The following PARP4 variants were observed in gnomAD, a reference collection of about 807,000 sequenced individuals.
PARP4 encodes the protein protein mono-ADP-ribosyltransferase PARP4.
In PARP4, 120 loss-of-function variants were observed where a neutral mutation model predicts 187.7. That is an observed-to-expected ratio of 0.64 (90% CI 0.55 to 0.74). The LOEUF (loss-of-function observed/expected upper bound fraction) is 0.74, where lower values mean the gene tolerates loss of function less well. PARP4 is among the 30% of genes least tolerant of loss of function. PARP4 has a pLI of 0.00. For missense variants in PARP4, 1,836 were observed against 2,070.5 expected (o/e 0.89, Z 2.20); for synonymous variants, 654 against 740.9 (o/e 0.88, Z 1.90).
intron 22 of PARP4, among the ~76,000 whole-genome samples, chr13:24,453,857 G>C (rs533737778): frequency 6.6e-6 from 1 of 152,308 alleles, no homozygotes; most frequent in South Asian, 2.1e-4. Context: ...GCTCATGCCT[G>C]TAATCCCAGC....
chr13:24,459,069 C>G lies in PARP4; in HGVS notation c.2399G>C (p.Ser800Thr). 1 of 1,609,500 alleles carries G rather than the reference C, an allele frequency of 6.2e-7. No homozygotes were observed. The highest frequency in any genetic ancestry group is 8.5e-7 in the Non-Finnish European group (1 of 1,176,656). The change falls in exon 20 of 34, where the codon AGT becomes ACT. Residue 800 changes from serine (S) to threonine (T), a missense_variant. This residue lies in a region of PARP4 where 1,147 missense variants were observed against 1,214.2 expected (regional missense o/e 0.94). Transcript: ENST00000381989. ...CTTTTGTTTCAGTTCATGTGTATCA[C>G]TGAAAATGAATTCAATCACATACGG... ...EMPYVIEFIF[S>T]DTHELKQKRT...
At position 24,469,150 on chromosome 13, in the gene PARP4, G is replaced by A. The variant is rs370015269; in HGVS notation, c.2047-40C>T. On this transcript the variant is annotated intron_variant, in intron 16 of 33. Transcript: ENST00000381989. ...TTTTAAATCATTCCTTACATGAAGA[G>A]TGACTTCAGGCTTTAATGAAGAAAA... 1.6e-3 allele frequency: 2,053 copies of A among 1,322,738 alleles called. 4 individuals are homozygous for A. The highest frequency in any genetic ancestry group is 2.0e-3 in the Non-Finnish European group (1,847 of 915,112). 81.9% of individuals were successfully genotyped at this position (1,322,738 alleles called of 1,614,324 possible).
intron 33 of PARP4, 51 bp downstream of exon 33, chr13:24,426,415 A>G (rs1294524402): frequency 8.0e-6 from 11 of 1,378,522 alleles, no homozygotes; most frequent in Non-Finnish European, 1.0e-5. Context: ...GGTTTATTAA[A>G]TAAATAGTTG....
At chr13:24,436,633 C>T (rs1280465520) in intron 30 of PARP4, among the ~76,000 whole-genome samples, 2 of 152,104 alleles carry the variant, frequency 1.3e-5, no homozygotes, top group African/African-American at 4.8e-5. Flanking sequence ...ATTAAATGAA[C>T]ATATAATTAT....
At chr13:24,456,558 C>G (rs951590927) in intron 20 of PARP4, 80 bp from the exon 21 acceptor site, 2 of 1,289,862 alleles carry the variant, frequency 1.6e-6, no homozygotes, top group African/African-American at 2.9e-5. Context: ...TGTCATGGAG[C>G]AAACCCTTGC....
At chr13:24,472,891 G>GTTTTTTTT (rs3978786) in intron 15 of PARP4, among the ~76,000 whole-genome samples, 2 of 109,566 alleles carry the variant, frequency 1.8e-5, no homozygotes, top group African/African-American at 3.5e-5. Flanking sequence ...AACACCCTGA[G>GTTTTTTTT]TTTTTTTTTT....
intron 33 of PARP4, among the ~76,000 whole-genome samples, chr13:24,424,363 T>C (rs1460903154): frequency 2.0e-5 from 3 of 152,126 alleles, no homozygotes; most frequent in Admixed American, 2.0e-4. Flanking sequence ...CTCAACCTTT[T>C]TTTTCTATTG....
chr13:24,440,661 G>C (rs1401861867), intron 30 of PARP4, among the ~76,000 whole-genome samples: 2 of 152,136 alleles, frequency 1.3e-5, no homozygotes, highest in South Asian at 2.1e-4. Context: ...TGGGGCACTG[G>C]GAAGGTCAAG....
At chr13:24,466,921 T>A (rs185699118) in intron 17 of PARP4, among the ~76,000 whole-genome samples, 1 of 149,988 alleles carries the variant, frequency 6.7e-6, no homozygotes, top group East Asian at 2.0e-4. Context: ...ATGGTACAAA[T>A]AGAAAACAAC....
intron 28 of PARP4, among the ~76,000 whole-genome samples, chr13:24,443,336 C>T (rs148568470): frequency 0.014 from 2,192 of 152,268 alleles, 55 homozygotes; most frequent in African/African-American, 0.05. Flanking sequence ...CGCTACCACA[C>T]GAGAGATCTG....
At chr13:24,470,124 T>A (rs1872669841) in intron 15 of PARP4, 99 bp from the exon 16 acceptor site, 1 of 1,150,424 alleles carries the variant, frequency 8.7e-7, no homozygotes, top group South Asian at 1.5e-5. Context: ...TTATTTGAAT[T>A]TCCTTGAATT....
chr13:24,492,489 G>GT lies in PARP4; in HGVS notation c.984dup (p.Pro329ThrfsTer17), dbSNP rs1868713565. 1.2e-6 allele frequency: 2 copies of GT among 1,613,862 alleles called. No homozygotes were observed. The highest frequency in any genetic ancestry group is 1.7e-5 in the Admixed American group (1 of 60,006). ...TCTTTGGGCATTGTGCCTTTGTGAG[G>GT]TATCAGTCTGTAAAACTCTGTCATC... is the stretch of plus-strand genomic sequence containing the variant. On this transcript the variant is annotated frameshift_variant, in exon 9 of 34. Transcript: ENST00000381989. LOFTEE classifies it high-confidence loss of function.
chr13:24,492,508 T>G lies in PARP4; in HGVS notation c.966A>C (p.Thr322=), dbSNP rs1868715201. Residue 322 remains threonine (T), a synonymous_variant, in exon 9 of 34, where the codon ACA becomes ACC. Coordinates refer to ENST00000381989, the MANE Select transcript of PARP4 (RefSeq NM_006437.4). ...TGTGAGGTATCAGTCTGTAAAACTC[T>G]GTCATCATCTTTTGCAATTGCTCTG... ...ETAEQLQKMM[T]EFYRLIPHKG... 2 of 1,613,934 alleles carry G rather than the reference T, an allele frequency of 1.2e-6. No individual in the cohort carries two copies. The highest frequency in any genetic ancestry group is 1.7e-6 in the Non-Finnish European group (2 of 1,179,904).
chr13:24,445,904 C>T (rs35053501), intron 27 of PARP4, among the ~76,000 whole-genome samples: 7,778 of 152,108 alleles, frequency 0.051, 266 homozygotes, highest in South Asian at 0.08. Flanking sequence ...CAACCCCAGG[C>T]GGCCAGTGTC....
chr13:24,485,531 T>C (rs911741475), intron 11 of PARP4, among the ~76,000 whole-genome samples: 2 of 152,182 alleles, frequency 1.3e-5, no homozygotes, highest in African/African-American at 4.8e-5. Context: ...GTGGATCTTG[T>C]ATGTTTCTTT....
intron 1 of PARP4, among the ~76,000 whole-genome samples, chr13:24,509,327 C>T (rs760536952): frequency 8.6e-5 from 13 of 151,862 alleles, no homozygotes; most frequent in Admixed American, 2.0e-4. Context: ...GCCAACATGG[C>T]GAAACTTCAT....
intron 25 of PARP4, among the ~76,000 whole-genome samples, chr13:24,448,775 A>G (rs935698413): frequency 3.3e-5 from 5 of 152,232 alleles, no homozygotes; most frequent in Admixed American, 1.3e-4. Context: ...GCAATGGAAT[A>G]TTATTTAGCT....
chr13:24,500,407 C>T, intron 3 of PARP4, 25 bp from the exon 4 acceptor site: 1 of 1,499,094 alleles, frequency 6.7e-7, no homozygotes, highest in Non-Finnish European at 9.2e-7. Flanking sequence ...AAACAGCACA[C>T]TTGTTTACTG....
At chr13:24,504,909 G>C (rs1380568889) in intron 1 of PARP4, among the ~76,000 whole-genome samples, 5 of 151,306 alleles carry the variant, frequency 3.3e-5, no homozygotes, top group Admixed American at 6.6e-5. Flanking sequence ...TGGCCAGGCT[G>C]GTCTTGAACT....
Sources: allele counts gnomAD v4.1 joint callset (sites outside exome capture counted in the v4.1 genomes callset), GRCh38; gene constraint gnomAD v4.1.1; regional missense constraint gnomAD v4.1.1; transcripts MANE v1.5; gene names NCBI Gene and HGNC (gene_info 2026-07-23, HGNC 2026-07-21).